Variants in ZEB1 observed in about 807,000 individuals in gnomAD.
ZEB1 encodes the protein zinc finger E-box-binding homeobox 1.
In ZEB1, 21 loss-of-function variants were observed where a neutral mutation model predicts 84.9. The observed-to-expected ratio is 0.25, with a 90% CI of 0.18 to 0.36. The LOEUF is 0.36. Among genes scored for constraint, ZEB1 ranks in the 10% least tolerant of loss-of-function variants. ZEB1 has a pLI of 1.00. For synonymous variants in ZEB1, 420 were observed against 471.1 expected (o/e 0.89, Z 1.41); for missense variants, 1,104 against 1,330.2 (o/e 0.83, Z 2.65).
chr10:31,383,073 A>G (rs931697840), intron 1 of ZEB1, among the ~76,000 whole-genome samples: 1 of 150,572 alleles, frequency 6.6e-6, no homozygotes, highest in Non-Finnish European at 1.5e-5. Flanking sequence ...ATTAGGAAAC[A>G]CTATGCTAAT....
chr10:31,365,889 T>C (rs2044376846), intron 1 of ZEB1, among the ~76,000 whole-genome samples: 1 of 152,214 alleles, frequency 6.6e-6, no homozygotes, highest in African/African-American at 2.4e-5. Context: ...GGAACATAAT[T>C]TAATATTTAA....
At chr10:31,515,364 C>T (rs1195750129) in intron 6 of ZEB1, among the ~76,000 whole-genome samples, 1 of 151,972 alleles carries the variant, frequency 6.6e-6, no homozygotes, top group African/African-American at 2.4e-5. Context: ...ACTACTTGAA[C>T]AAAAGCGCAA....
chr10:31,490,127 AT>A (rs2066323891), intron 2 of ZEB1, among the ~76,000 whole-genome samples: 1 of 151,032 alleles, frequency 6.6e-6, no homozygotes, highest in Non-Finnish European at 1.5e-5. Context: ...AACTAGTTTG[AT>A]TGATGGATTT....
At chr10:31,336,715 G>A (rs1252147679) in intron 1 of ZEB1, among the ~76,000 whole-genome samples, 4 of 152,114 alleles carry the variant, frequency 2.6e-5, no homozygotes. Flanking sequence ...TGGCCAAGGA[G>A]TGTATTATAA....
chr10:31,468,150 TC>T (rs1040853367), intron 2 of ZEB1, among the ~76,000 whole-genome samples: 1 of 152,136 alleles, frequency 6.6e-6, no homozygotes, highest in Non-Finnish European at 1.5e-5. Flanking sequence ...CAAGGTCACG[TC>T]TGCCTCAGAG....
chr10:31,387,291 A>C, intron 1 of ZEB1: 1 of 985,586 alleles, frequency 1.0e-6, no homozygotes, highest in Non-Finnish European at 1.2e-6. Flanking sequence ...GTGAGTGCAC[A>C]CTCGTGGGCC....
chr10:31,443,225 T>C (rs1045560374), intron 1 of ZEB1, among the ~76,000 whole-genome samples: 3 of 152,222 alleles, frequency 2.0e-5, no homozygotes, highest in Non-Finnish European at 2.9e-5. Context: ...GTTCATCTTA[T>C]GAGTGTTTAA....
intron 1 of ZEB1, chr10:31,381,608 A>T (rs1163440577): frequency 1.3e-5 from 2 of 152,274 alleles, no homozygotes; most frequent in East Asian, 3.9e-4. Context: ...CGTCCTACTA[A>T]ATATCAAAAG....
intron 1 of ZEB1, chr10:31,373,246 T>G (rs994364677): frequency 1.0e-6 from 1 of 983,860 alleles, no homozygotes; most frequent in Non-Finnish European, 1.2e-6. Context: ...TATATTTGAA[T>G]TAAAATTTTA....
intron 1 of ZEB1, among the ~76,000 whole-genome samples, chr10:31,392,396 TG>T (rs2049906189): frequency 6.6e-6 from 1 of 152,180 alleles, no homozygotes; most frequent in Admixed American, 6.5e-5. Context: ...TGGGCATTAT[TG>T]GGACAGTTTT....
chr10:31,408,898 A>T (rs1175235514), intron 1 of ZEB1, among the ~76,000 whole-genome samples: 1 of 150,144 alleles, frequency 6.7e-6, no homozygotes, highest in Non-Finnish European at 1.5e-5. Flanking sequence ...GACAAATGGG[A>T]TCTAATTAAA....
At chr10:31,430,091 C>G (rs1328987286) in intron 1 of ZEB1, among the ~76,000 whole-genome samples, 1 of 152,134 alleles carries the variant, frequency 6.6e-6, no homozygotes, top group African/African-American at 2.4e-5. Context: ...TTCTGACATT[C>G]TGTTTTTTAT....
chr10:31,394,761 A>G (rs1166828361), intron 1 of ZEB1, among the ~76,000 whole-genome samples: 1 of 152,194 alleles, frequency 6.6e-6, no homozygotes, highest in East Asian at 1.9e-4. Context: ...ACAGATTTGC[A>G]TTTTTCTGAG....
chr10:31,458,569 C>CT (rs948779965), intron 1 of ZEB1, among the ~76,000 whole-genome samples: 4 of 151,918 alleles, frequency 2.6e-5, no homozygotes, highest in African/African-American at 9.7e-5. Context: ...ATTAAAGTGA[C>CT]TTTTTTCTTT....
intron 1 of ZEB1, among the ~76,000 whole-genome samples, chr10:31,421,320 G>A (rs1413354547): frequency 6.6e-6 from 1 of 152,020 alleles, no homozygotes; most frequent in Non-Finnish European, 1.5e-5. Context: ...TATGAGAGGG[G>A]CTACACATGC....
At chr10:31,380,316 G>A (rs1232872857) in intron 1 of ZEB1, among the ~76,000 whole-genome samples, 1 of 152,146 alleles carries the variant, frequency 6.6e-6, no homozygotes, top group Non-Finnish European at 1.5e-5. Flanking sequence ...CGAACTAAAA[G>A]TTGGCTTGAA....
Position 31,527,155 on chromosome 10 carries a change from CTG to C in ZEB1, c.3270_3271del (p.Glu1091ArgfsTer6). ...GAGAATGAGGGAGAAGAAGCAAAAA[CTG>C]AAGGTCTGATGAAGGATGACAGGGC... is the stretch of plus-strand genomic sequence containing the variant. On this transcript the variant is annotated frameshift_variant, in exon 9 of 9. Transcript: ENST00000424869. LOFTEE classifies it low-confidence loss of function (END_TRUNC). The C allele has an allele frequency of 1.2e-6, 2 of 1,610,260 alleles. No individual in the cohort carries two copies. Among genetic ancestry groups the C allele is most frequent in the Non-Finnish European group, 1.7e-6 (2 of 1,178,078 alleles).
intron 2 of ZEB1, among the ~76,000 whole-genome samples, chr10:31,473,053 G>A (rs1266492920): frequency 3.4e-5 from 5 of 145,846 alleles, no homozygotes; most frequent in South Asian, 2.2e-4. Context: ...TTGATGGGAC[G>A]TATTTCAAAA....
intron 3 of ZEB1, among the ~76,000 whole-genome samples, chr10:31,498,452 C>G (rs2067600348): frequency 6.6e-6 from 1 of 151,996 alleles, no homozygotes; most frequent in African/African-American, 2.4e-5. Context: ...GTTCACCTTG[C>G]AGGACTTCTT....
Sources: allele counts gnomAD v4.1 joint callset (sites outside exome capture counted in the v4.1 genomes callset), GRCh38; gene constraint gnomAD v4.1.1; transcripts MANE v1.5; gene names NCBI Gene and HGNC (gene_info 2026-07-23, HGNC 2026-07-21).